The following WDFY3 variants were observed in gnomAD, a reference collection of about 807,000 sequenced individuals.
WDFY3 encodes the protein WD repeat and FYVE domain-containing protein 3.
A neutral mutation model predicts 409.6 loss-of-function variants in WDFY3; 66 were observed. The ratio of observed to expected loss-of-function variants is 0.16; its 90% CI spans 0.13 to 0.20. The LOEUF is 0.20. WDFY3 is among the 10% of genes least tolerant of loss of function. WDFY3 has a pLI of 1.00. For missense variants in WDFY3, 3,031 were observed against 4,298.1 expected (o/e 0.71, Z 8.24); for synonymous variants, 1,521 against 1,537.1 (o/e 0.99, Z 0.25).
intron 44 of WDFY3, among the ~76,000 whole-genome samples, chr4:84,729,927 C>T (rs1271841827): frequency 6.6e-6 from 1 of 152,090 alleles, no homozygotes; most frequent in African/African-American, 2.4e-5. Flanking sequence ...TGGCACAAAC[C>T]TATTCTATCA....
intron 37 of WDFY3, 23 bp from the exon 38 acceptor site, chr4:84,741,944 G>A (rs1016128310): frequency 1.3e-6 from 2 of 1,556,782 alleles, no homozygotes; most frequent in African/African-American, 2.7e-5. Context: ...AGGAAAAAAA[G>A]TCTAAGAAAA....
intron 4 of WDFY3, among the ~76,000 whole-genome samples, chr4:84,850,650 T>C (rs1235048000): frequency 6.6e-6 from 1 of 151,902 alleles, no homozygotes; most frequent in Non-Finnish European, 1.5e-5. Context: ...TTTGAGAATT[T>C]AGAGAAAAGT....
intron 11 of WDFY3, among the ~76,000 whole-genome samples, chr4:84,820,474 C>T (rs1753896343): frequency 6.6e-6 from 1 of 151,832 alleles, no homozygotes. Flanking sequence ...GAGGGTTTTC[C>T]TAATAAAGGA....
At chr4:84,717,912 G>A (rs1734207758) in intron 48 of WDFY3, among the ~76,000 whole-genome samples, 1 of 151,784 alleles carries the variant, frequency 6.6e-6, no homozygotes, top group African/African-American at 2.4e-5. Context: ...GCCTGGCGTG[G>A]TGGCGGGCGC....
At chr4:84,708,794 G>A in intron 53 of WDFY3, 115 bp downstream of exon 53, 1 of 1,160,356 alleles carries the variant, frequency 8.6e-7, no homozygotes, top group African/African-American at 1.6e-5. Flanking sequence ...GCCTCTCTTA[G>A]CCTCCCAAAG....
At chr4:84,947,700 C>A (rs1218529086) in intron 1 of WDFY3, among the ~76,000 whole-genome samples, 1 of 144,874 alleles carries the variant, frequency 6.9e-6, no homozygotes, top group East Asian at 2.0e-4. Context: ...TCAAAAAACC[C>A]CACATCTACC....
chr4:84,709,778 T>C (rs1430329503), intron 51 of WDFY3, among the ~76,000 whole-genome samples: 1 of 152,158 alleles, frequency 6.6e-6, no homozygotes, highest in African/African-American at 2.4e-5. Flanking sequence ...CCAGGCTGGA[T>C]TGCAGTGGCA....
intron 45 of WDFY3, 137 bp from the exon 46 acceptor site, chr4:84,724,731 A>T: frequency 3.5e-5 from 28 of 800,836 alleles, no homozygotes; most frequent in South Asian, 7.9e-5. Context: ...ATATACAGTA[A>T]ATCCACACTT....
At chr4:84,786,236 A>T in intron 23 of WDFY3, 97 bp from the exon 24 acceptor site, 1 of 1,179,316 alleles carries the variant, frequency 8.5e-7, no homozygotes, top group Non-Finnish European at 1.2e-6. Context: ...AGGAGGCTTG[A>T]AAGTCTTAAA....
In WDFY3 at chr4:84,780,373, AGTTTTT is replaced by A. The variant is rs1746283070; in HGVS notation, c.4175-81_4175-76del. The A allele has an allele frequency of 1.1e-5, 15 of 1,385,876 alleles. No individual in the cohort carries two copies. In the South Asian group the frequency reaches 2.5e-4, roughly 23 times the overall value. The allele number at this position is 1,385,876 out of a possible 1,614,324, so 85.8% of individuals were successfully genotyped here. A position where few individuals can be genotyped will look rare whatever the true frequency, so the allele number is the denominator to read the frequency against. ...AAGAACTGTATACATCATCTTGAAA[AGTTTTT>A]TAATTAGCAGTGTTTTATTTTAAAA... On this transcript the variant is annotated intron_variant, in intron 25 of 67. Coordinates refer to ENST00000295888, the MANE Select transcript of WDFY3 (RefSeq NM_014991.6).
intron 24 of WDFY3, 149 bp from the exon 25 acceptor site, chr4:84,783,223 G>C (rs542850009): frequency 1.4e-6 from 1 of 722,998 alleles, no homozygotes; most frequent in Non-Finnish European, 2.3e-6. Flanking sequence ...GTCCAGCCTG[G>C]TGGCTCATGC....
intron 21 of WDFY3, among the ~76,000 whole-genome samples, chr4:84,790,289 T>C (rs1023077332): frequency 2.0e-5 from 3 of 151,940 alleles, no homozygotes; most frequent in African/African-American, 7.3e-5. Context: ...GGCAAGAGTT[T>C]GCAGTGCTGA....
chr4:84,717,272 A>AATATGT (rs1430829927), intron 48 of WDFY3, among the ~76,000 whole-genome samples: 3 of 152,226 alleles, frequency 2.0e-5, no homozygotes, highest in African/African-American at 7.2e-5. Flanking sequence ...TGGTTAGCAC[A>AATATGT]GTGCCTCAGC....
At position 84,737,251 on chromosome 4, in the gene WDFY3, G is replaced by A. The variant is rs139758320; in HGVS notation, c.6690C>T (p.His2230=). ...KVTLPVNERG[H]VDIATARPLI... is the part of the protein sequence containing the mutation. ...GTGGCCTTGCTGTAGCTATGTCCAC[G>A]TGGCCCCTTTCATTCACAGGTAGAG... Residue 2230 remains histidine (H), a synonymous_variant, in exon 41 of 68, where the codon CAC becomes CAT. Coordinates refer to ENST00000295888, the MANE Select transcript of WDFY3 (RefSeq NM_014991.6). 1.5e-4 allele frequency: 244 copies of A among 1,614,062 alleles called. No individual in the cohort carries two copies. The African/African-American group carries it at 2.9e-3, about 19-fold the overall frequency.
intron 25 of WDFY3, among the ~76,000 whole-genome samples, chr4:84,782,214 A>G (rs193172937): frequency 3.3e-5 from 5 of 152,210 alleles, no homozygotes; most frequent in Non-Finnish European, 7.4e-5. Flanking sequence ...TTTCTAAATT[A>G]ACAAAAACTC....
intron 3 of WDFY3, among the ~76,000 whole-genome samples, chr4:84,896,457 A>G (rs1765652181): frequency 6.6e-6 from 1 of 152,102 alleles, no homozygotes; most frequent in African/African-American, 2.4e-5. Flanking sequence ...AGTAGAAAAA[A>G]CTATATAAGC....
At chr4:84,886,319 C>T (rs1443057188) in intron 3 of WDFY3, 1 of 151,814 alleles carries the variant, frequency 6.6e-6, no homozygotes, top group Non-Finnish European at 1.5e-5. Flanking sequence ...TATATACCAA[C>T]CAATTCATTT....
rs375290555 is a variant in WDFY3, at chr4:84,678,241, G to A, written c.10186C>T (p.Leu3396=). 1 of 1,614,110 alleles carries A rather than the reference G, an allele frequency of 6.2e-7. No individual in the cohort carries two copies. Among genetic ancestry groups the A allele is most frequent in the Non-Finnish European group, 8.5e-7 (1 of 1,180,002 alleles). The change falls in exon 66 of 68, where the codon CTG becomes TTG. Residue 3396 remains leucine, a synonymous_variant. Coordinates refer to ENST00000295888, the MANE Select transcript of WDFY3 (RefSeq NM_014991.6). ...WERQLVFRSK[L]TMHTAFDRKD... ...CGATCAAAGGCTGTGTGCATAGTCAGCTTACTCCTGAACACCAGCTGCCGT... is the reference window on the plus strand; with the variant it reads ...CGATCAAAGGCTGTGTGCATAGTCAACTTACTCCTGAACACCAGCTGCCGT...
At chr4:84,859,332 T>A (rs1470250829) in intron 4 of WDFY3, among the ~76,000 whole-genome samples, 1 of 151,942 alleles carries the variant, frequency 6.6e-6, no homozygotes, top group Non-Finnish European at 1.5e-5. Flanking sequence ...TGAATGAGTG[T>A]ATGTATGTAT....
Sources: gnomAD v4.1 joint callset for allele counts (sites outside exome capture counted in the v4.1 genomes callset) on GRCh38, gnomAD v4.1.1 for gene constraint, MANE v1.5 for transcripts, NCBI Gene and HGNC (gene_info 2026-07-23, HGNC 2026-07-21) for gene names.